Variants in SLC19A3 observed in about 807,000 individuals in gnomAD.
SLC19A3 encodes the protein solute carrier family 19 member 3, also known as thiamine transporter 2.
Under a neutral mutation model 40.2 loss-of-function variants are expected in SLC19A3, and 31 were observed. That is an observed-to-expected ratio of 0.77 (90% CI 0.58 to 1.04). SLC19A3 has a LOEUF of 1.04. Ranked by LOEUF, SLC19A3 falls within the 50% of genes least tolerant of loss-of-function variation. SLC19A3 has a pLI of 0.00. For synonymous variants in SLC19A3, 212 were observed against 227.5 expected (o/e 0.93, Z 0.61); for missense variants, 592 against 596.7 (o/e 0.99, Z 0.08).
chr2:227,688,577 G>A (rs1695108179), intron 4 of SLC19A3, among the ~76,000 whole-genome samples: 1 of 152,126 alleles, frequency 6.6e-6, no homozygotes, highest in South Asian at 2.1e-4. Context: ...TACTGGGCTT[G>A]GGGTGCTCCC....
intron 2 of SLC19A3, 36 bp from the exon 3 acceptor site, chr2:227,699,600 C>T (rs111818722): frequency 5.8e-6 from 9 of 1,545,970 alleles, no homozygotes; most frequent in Non-Finnish European, 8.0e-6. Context: ...CACGAAGCAC[C>T]GGTACTTTAC....
chr2:227,717,780 G>A lies in SLC19A3; in HGVS notation c.-3+163C>T, dbSNP rs367699668. 9.2e-5 allele frequency among the ~76,000 whole-genome samples: 14 copies of A among 152,264 alleles called. No homozygotes were observed. The East Asian group carries it at 2.7e-3, about 29-fold the overall frequency. ...GGGTGAATCCCAGCACGCGGGCTGC[G>A]GCGTAGGGGGAGAGCTCCTCACGCG... On this transcript the variant is annotated intron_variant, in intron 1 of 5. Coordinates refer to ENST00000644224, the MANE Select transcript of SLC19A3 (RefSeq NM_025243.4).
intron 1 of SLC19A3, among the ~76,000 whole-genome samples, chr2:227,708,577 C>G (rs1371078705): frequency 1.3e-5 from 1 of 76,792 alleles, no homozygotes; most frequent in African/African-American, 5.3e-5. Context: ...AACAAACAAA[C>G]AAACAAACAA....
At chr2:227,713,051 C>G (rs1432706616) in intron 1 of SLC19A3, among the ~76,000 whole-genome samples, 1 of 152,120 alleles carries the variant, frequency 6.6e-6, no homozygotes, top group African/African-American at 2.4e-5. Context: ...TATACATTTT[C>G]TTATTTGTAA....
At chr2:227,711,687 GA>G (rs1182495626) in intron 1 of SLC19A3, among the ~76,000 whole-genome samples, 6 of 151,538 alleles carry the variant, frequency 4.0e-5, no homozygotes, top group South Asian at 2.1e-4. Context: ...AATCTTAAAA[GA>G]AAAAAAAGAT....
rs1406064477 is a variant in SLC19A3 at position 227,685,888 on chromosome 2, T to C, written c.*1509A>G. The C allele has an allele frequency of 5.7e-6, 1 of 174,814 alleles. No individual in the cohort carries two copies. Among genetic ancestry groups the C allele is most frequent in the Admixed American group, 6.2e-5 (1 of 16,206 alleles). The allele number at this position is 174,814 out of a possible 1,614,324, so 10.8% of individuals were successfully genotyped here. ...TTTTACACATTTTATTTAGCACAAT[T>C]GCTACCATTTAAAAATCAGGTGTTT... On this transcript the variant is annotated 3_prime_UTR_variant, in exon 6 of 6. Transcript: ENST00000644224.
intron 1 of SLC19A3, among the ~76,000 whole-genome samples, chr2:227,716,389 A>G (rs1696336848): frequency 6.6e-6 from 1 of 152,174 alleles, no homozygotes; most frequent in South Asian, 2.1e-4. Context: ...TCAGAAGCCG[A>G]TACCCCAAAA....
chr2:227,699,300 C>T lies in SLC19A3; in HGVS notation c.415G>A (p.Val139Met), dbSNP rs1695576890. 2 of 1,614,066 alleles carry T rather than the reference C, an allele frequency of 1.2e-6. No homozygotes were observed. Among genetic ancestry groups the T allele is most frequent in the African/African-American group, 2.7e-5 (2 of 74,924 alleles). ...GTGACGCTCCTGCAGTAGCCGCTCA[C>T]TCTCTGGTAGTGCTCGGGGCTGACC... ...SVVSPEHYQR[V>M]SGYCRSVTLA... The change falls in exon 3 of 6, where the codon GTG becomes ATG. Residue 139 changes from valine to methionine, a missense_variant. Val to Met is a conservative substitution (Grantham distance 21). Transcript: ENST00000644224.
rs11682956 is a variant in SLC19A3, at chr2:227,703,936, T to G, written c.-2-1616A>C. 0.76 allele frequency among the ~76,000 whole-genome samples: 115,680 copies of G among 151,924 alleles called. 44,551 individuals carry two copies. The highest frequency in any genetic ancestry group is 0.93 in the East Asian group (4,815 of 5,168). On this transcript the variant is annotated intron_variant, in intron 1 of 5. Coordinates refer to ENST00000644224, the MANE Select transcript of SLC19A3 (RefSeq NM_025243.4). This position sits in a 1 kb window ranked among gnomAD's most constrained non-coding sequence, Gnocchi z 4.7. ...TTATCTATCTTTTTATTTCTTTAGG[T>G]TTCTAATACAGCTGTCCAAATCGAT... is the stretch of plus-strand genomic sequence containing the variant.
chr2:227,696,226 G>A (rs1695431599), intron 3 of SLC19A3, 145 bp from the exon 4 acceptor site: 2 of 751,748 alleles, frequency 2.7e-6, no homozygotes, highest in Non-Finnish European at 4.5e-6. Context: ...ACCTGAATGT[G>A]GATCTATCCT....
chr2:227,703,858 T>A lies in SLC19A3; in HGVS notation c.-2-1538A>T, dbSNP rs1695815816. Among the ~76,000 whole-genome samples the A allele has an allele frequency of 6.6e-6, 1 of 152,202 alleles. No homozygotes were observed. The highest frequency in any genetic ancestry group is 1.5e-5 in the Non-Finnish European group (1 of 68,040). ...CAGGTCATCATCTTCTCTGTGCATC[T>A]GAGACCTAGGACTATGCCACAGTGA... is the stretch of plus-strand genomic sequence containing the variant. On this transcript the variant is annotated intron_variant, in intron 1 of 5. Coordinates refer to ENST00000644224, the MANE Select transcript of SLC19A3 (RefSeq NM_025243.4). The surrounding 1 kb of genome is among the most constrained non-coding windows in gnomAD (Gnocchi z 4.7).
chr2:227,711,583 T>G (rs1696141767), intron 1 of SLC19A3, among the ~76,000 whole-genome samples: 1 of 152,002 alleles, frequency 6.6e-6, no homozygotes, highest in East Asian at 1.9e-4. Flanking sequence ...AAAAACTAAT[T>G]TGACATAACA....
rs1347868865 is a variant in SLC19A3, at chr2:227,699,357, C to T, written c.358G>A (p.Glu120Lys). 2 of 1,614,040 alleles carry T rather than the reference C, an allele frequency of 1.2e-6. No homozygotes were observed. The highest frequency in any genetic ancestry group is 1.3e-5 in the African/African-American group (1 of 74,924). Residue 120 changes from glutamate to lysine, a missense_variant, in exon 3 of 6, where the codon GAG becomes AAG. By Grantham distance (56) the Glu-to-Lys change is moderately conservative. Coordinates refer to ENST00000644224, the MANE Select transcript of SLC19A3 (RefSeq NM_025243.4). ...EFFYGMVTAA[E>K]VAYYAYIYSV... is the part of the protein sequence containing the mutation. ...TATATGTAGGCGTAGTAGGCCACCT[C>T]GGCGGCGGTGACCATCCCATAGAAG... is the stretch of plus-strand genomic sequence containing the variant.
intron 5 of SLC19A3, 63 bp from the exon 6 acceptor site, chr2:227,687,636 T>G: frequency 6.5e-7 from 1 of 1,549,296 alleles, no homozygotes; most frequent in Non-Finnish European, 8.8e-7. Flanking sequence ...TGATAATACA[T>G]CCTAATACTG....
intron 1 of SLC19A3, among the ~76,000 whole-genome samples, chr2:227,717,691 T>C (rs1017463495): frequency 2.0e-5 from 3 of 152,106 alleles, no homozygotes; most frequent in African/African-American, 4.8e-5. Context: ...TTTACGGGAA[T>C]CATGATTTTA....
chr2:227,717,944 T>C lies in SLC19A3; in HGVS notation c.-4A>G. ...ATTCGCCCCCCGAGATATTCTTACC[T>C]ACAGAAGGGAGTGTCTGTTCACCAA... On this transcript the variant is annotated splice_region_variant and 5_prime_UTR_variant, in exon 1 of 6. Transcript: ENST00000644224. The C allele has an allele frequency of 2.0e-6, 2 of 985,314 alleles. No individual in the cohort carries two copies. The highest frequency in any genetic ancestry group is 2.4e-6 in the Non-Finnish European group (2 of 829,944). 61.0% of individuals were successfully genotyped at this position (985,314 alleles called of 1,614,324 possible).
chr2:227,714,041 T>A (rs1696243840), intron 1 of SLC19A3, among the ~76,000 whole-genome samples: 1 of 152,188 alleles, frequency 6.6e-6, no homozygotes, highest in Admixed American at 6.5e-5. Flanking sequence ...TGATGAAATA[T>A]CCTATATCTT....
At chr2:227,694,723 C>T (rs905367339) in intron 4 of SLC19A3, among the ~76,000 whole-genome samples, 2 of 152,046 alleles carry the variant, frequency 1.3e-5, no homozygotes, top group Admixed American at 6.6e-5. Flanking sequence ...GCAAAAATGA[C>T]GGGAAATTCT....
At chr2:227,695,127 T>G (rs1421348842) in intron 4 of SLC19A3, among the ~76,000 whole-genome samples, 1 of 152,228 alleles carries the variant, frequency 6.6e-6, no homozygotes, top group African/African-American at 2.4e-5. Flanking sequence ...TATCTTTGCA[T>G]CTACTTTTTT....
Sources: gnomAD v4.1 joint callset for allele counts (sites outside exome capture counted in the v4.1 genomes callset) on GRCh38, gnomAD v4.1.1 for gene constraint, Gnocchi (gnomAD v3.1) non-coding constraint, MANE v1.5 for transcripts, NCBI Gene and HGNC (gene_info 2026-07-23, HGNC 2026-07-21) for gene names.